The following PLEKHB2 variants were observed in gnomAD, a reference collection of about 807,000 sequenced individuals.
The protein encoded by PLEKHB2 is pleckstrin homology domain-containing family B member 2.
In PLEKHB2, 31 loss-of-function variants were observed where a neutral mutation model predicts 36.5. That is an observed-to-expected ratio of 0.85 (90% CI 0.64 to 1.15). The LOEUF (loss-of-function observed/expected upper bound fraction) is 1.15. Among genes scored for constraint, PLEKHB2 ranks in the 50% most tolerant of loss-of-function variants. PLEKHB2 has a pLI of 0.00. For missense variants in PLEKHB2, 262 were observed against 295.3 expected (o/e 0.89, Z 0.83); for synonymous variants, 119 against 112.0 (o/e 1.06, Z -0.39).
chr2:131,126,829 C>A, intron 4 of PLEKHB2, 43 bp downstream of exon 4: 1 of 1,130,458 alleles, frequency 8.8e-7, no homozygotes, highest in Non-Finnish European at 1.3e-6. Flanking sequence ...AAAGTATTTT[C>A]TATTTTAACT....
At chr2:131,127,488 A>G (rs577012761) in intron 4 of PLEKHB2, among the ~76,000 whole-genome samples, 3 of 152,260 alleles carry the variant, frequency 2.0e-5, no homozygotes, top group East Asian at 1.9e-4. Context: ...CAAATATCCT[A>G]TTTCCACATA....
At chr2:131,116,006 G>A (rs1025111314) in intron 1 of PLEKHB2, among the ~76,000 whole-genome samples, 1 of 152,154 alleles carries the variant, frequency 6.6e-6, no homozygotes, top group African/African-American at 2.4e-5. Flanking sequence ...AATGAGGAGA[G>A]GTAGACAGGA....
rs1436378515 is a variant in PLEKHB2 at position 131,149,582 on chromosome 2, G to T, written c.*2809G>T. ...AAGGTAGCCATCTGGATCATAAGAAGGTCCTGCAGTTGAGACAAAATGACC... is the reference window on the plus strand; with the variant it reads ...AAGGTAGCCATCTGGATCATAAGAATGTCCTGCAGTTGAGACAAAATGACC... On this transcript the variant is annotated 3_prime_UTR_variant, in exon 8 of 8. Transcript: ENST00000693505. The T allele has an allele frequency of 1.3e-5, 2 of 152,308 alleles. No individual in the cohort carries two copies. The highest frequency in any genetic ancestry group is 3.9e-4 in the East Asian group (2 of 5,182). 9.4% of individuals were successfully genotyped at this position (152,308 alleles called of 1,614,324 possible). A position where few individuals can be genotyped will look rare whatever the true frequency, so the allele number is the denominator to read the frequency against.
At chr2:131,125,024 T>G in intron 2 of PLEKHB2, among the ~76,000 whole-genome samples, 1 of 152,152 alleles carries the variant, frequency 6.6e-6, no homozygotes, top group African/African-American at 2.4e-5. Flanking sequence ...CCTCAAGTGA[T>G]CCATCTGCCT....
intron 1 of PLEKHB2, among the ~76,000 whole-genome samples, chr2:131,114,137 C>A (rs1695608254): frequency 6.6e-6 from 1 of 152,108 alleles, no homozygotes; most frequent in Non-Finnish European, 1.5e-5. Flanking sequence ...CCTTAACTCT[C>A]ATTTTAGTTG....
rs1446766118 is a variant in PLEKHB2, at chr2:131,148,062, T to C, written c.*1289T>C. 1 of 152,396 alleles carries C rather than the reference T, an allele frequency of 6.6e-6. No homozygotes were observed. Among genetic ancestry groups the C allele is most frequent in the Admixed American group, 6.5e-5 (1 of 15,274 alleles). 9.4% of individuals were successfully genotyped at this position (152,396 alleles called of 1,614,324 possible). On this transcript the variant is annotated 3_prime_UTR_variant, in exon 8 of 8. Transcript: ENST00000693505. ...CTCATCACTCTGAAGGCCCATCCTG[T>C]GCAGAAGTGGGACTCTGTGGCTGTT... is the stretch of plus-strand genomic sequence containing the variant.
At chr2:131,138,015 A>ATTT (rs779343791) in intron 6 of PLEKHB2, among the ~76,000 whole-genome samples, 2 of 113,294 alleles carry the variant, frequency 1.8e-5, no homozygotes, top group African/African-American at 6.7e-5. Flanking sequence ...AGAGATGCTC[A>ATTT]TTTTTTTTTT....
intron 3 of PLEKHB2, among the ~76,000 whole-genome samples, chr2:131,126,451 G>A (rs999368620): frequency 2.2e-4 from 33 of 152,124 alleles, no homozygotes; most frequent in Admixed American, 2.0e-3. Flanking sequence ...GCTTGAACCC[G>A]GGAGTCAGAG....
At chr2:131,131,796 A>G (rs1697725445) in intron 5 of PLEKHB2, among the ~76,000 whole-genome samples, 1 of 149,070 alleles carries the variant, frequency 6.7e-6, no homozygotes, top group Non-Finnish European at 1.5e-5. Context: ...AGCATTAACA[A>G]TCCATACAGT....
intron 7 of PLEKHB2, among the ~76,000 whole-genome samples, chr2:131,142,699 G>A (rs565329449): frequency 6.6e-6 from 1 of 151,698 alleles, no homozygotes; most frequent in African/African-American, 2.4e-5. Flanking sequence ...AGCCTCCCAA[G>A]TAGCATGTGC....
chr2:131,146,675 C>A lies in PLEKHB2; in HGVS notation c.571C>A (p.Arg191=). Residue 191 remains arginine, a synonymous_variant, in exon 8 of 8, where the codon CGA becomes AGA. Coordinates refer to ENST00000693505, the MANE Select transcript of PLEKHB2 (RefSeq NM_001100623.2). ...GQQPANQVII[R]ERYRDNDSDL... is the part of the protein sequence containing the mutation. ...GCAGCCTGCTAACCAAGTCATCATT[C>A]GAGAGCGCTATCGAGACAACGACAG... The A allele has an allele frequency of 3.1e-6, 5 of 1,613,856 alleles. No homozygotes were observed. The highest frequency in any genetic ancestry group is 4.2e-6 in the Non-Finnish European group (5 of 1,179,904).
intron 6 of PLEKHB2, among the ~76,000 whole-genome samples, chr2:131,137,699 G>T (rs1183225989): frequency 1.3e-5 from 2 of 152,042 alleles, no homozygotes; most frequent in Non-Finnish European, 2.9e-5. Context: ...TAGTTTCAAA[G>T]AAATAGCTTT....
chr2:131,109,645 G>A (rs969984923), intron 1 of PLEKHB2, among the ~76,000 whole-genome samples: 6 of 152,074 alleles, frequency 3.9e-5, no homozygotes, highest in South Asian at 2.1e-4. Context: ...AGCCAAGATC[G>A]CGCCACTATA....
At chr2:131,141,579 G>A (rs1698789129) in intron 7 of PLEKHB2, among the ~76,000 whole-genome samples, 1 of 149,616 alleles carries the variant, frequency 6.7e-6, no homozygotes, top group Non-Finnish European at 1.5e-5. Flanking sequence ...GGCGGAGCTT[G>A]CAGTGAGCCG....
chr2:131,123,620 C>G (rs1573564533), intron 2 of PLEKHB2, among the ~76,000 whole-genome samples: 1 of 152,050 alleles, frequency 6.6e-6, no homozygotes, highest in Non-Finnish European at 1.5e-5. Flanking sequence ...TGCCTCCTGG[C>G]TTCAAGCAAT....
At chr2:131,110,521 G>A (rs755308239) in intron 1 of PLEKHB2, among the ~76,000 whole-genome samples, 1 of 152,008 alleles carries the variant, frequency 6.6e-6, no homozygotes, top group Non-Finnish European at 1.5e-5. Flanking sequence ...GACTACAGGC[G>A]TGCACCACTA....
chr2:131,114,590 G>T (rs1695668451), intron 1 of PLEKHB2, among the ~76,000 whole-genome samples: 1 of 152,044 alleles, frequency 6.6e-6, no homozygotes, highest in Non-Finnish European at 1.5e-5. Flanking sequence ...GCTTCTTCTT[G>T]AAGGCTTTGC....
chr2:131,137,117 T>C (rs1698342378), intron 6 of PLEKHB2, among the ~76,000 whole-genome samples: 3 of 151,752 alleles, frequency 2.0e-5, no homozygotes, highest in Admixed American at 2.0e-4. Context: ...CGGCTAATTT[T>C]TTTGTATTTT....
At chr2:131,132,475 T>G (rs573142550) in intron 5 of PLEKHB2, among the ~76,000 whole-genome samples, 1 of 152,186 alleles carries the variant, frequency 6.6e-6, no homozygotes, top group Admixed American at 6.5e-5. Context: ...AATTTCTTGT[T>G]TTTTGTAGAG....
Sources: allele counts gnomAD v4.1 joint callset (sites outside exome capture counted in the v4.1 genomes callset), GRCh38; gene constraint gnomAD v4.1.1; transcripts MANE v1.5; gene names NCBI Gene and HGNC (gene_info 2026-07-23, HGNC 2026-07-21).